SH3BP4: variants seen among roughly 807,000 people sequenced by gnomAD.
The protein encoded by SH3BP4 is SH3 domain-binding protein 4.
In SH3BP4, 33 loss-of-function variants were observed where a neutral mutation model predicts 65.5. That is an observed-to-expected ratio of 0.50 (90% CI 0.38 to 0.67). The LOEUF (loss-of-function observed/expected upper bound fraction) is 0.67, where lower values mean the gene tolerates loss of function less well. Among genes scored for constraint, SH3BP4 ranks in the 30% least tolerant of loss-of-function variants. The pLI is 0.00. For missense variants in SH3BP4, 1,134 were observed against 1,261.4 expected (o/e 0.90, Z 1.53); for synonymous variants, 552 against 545.5 (o/e 1.01, Z -0.17).
intron 2 of SH3BP4, among the ~76,000 whole-genome samples, chr2:235,011,610 C>T (rs1182485223): frequency 2.0e-5 from 3 of 152,196 alleles, no homozygotes; most frequent in Non-Finnish European, 4.4e-5. Flanking sequence ...TTGTCATTTC[C>T]GTAAACCTGC....
In SH3BP4 at chr2:235,054,045, G is replaced by T; in HGVS notation, c.*229G>T. 2.1e-6 allele frequency: 1 copy of T among 475,910 alleles called. No homozygotes were observed. The highest frequency in any genetic ancestry group is 3.7e-6 in the Non-Finnish European group (1 of 268,636). The allele number at this position is 475,910 out of a possible 1,614,324, so 29.5% of individuals were successfully genotyped here. On this transcript the variant is annotated 3_prime_UTR_variant, in exon 6 of 6. Coordinates refer to ENST00000392011, the MANE Select transcript of SH3BP4 (RefSeq NM_014521.3). ...AATCACATAGCTTTCTATTTGTTAA[G>T]TATAAATTTAAATTTAAAATCACTT...
chr2:234,961,214 A>G (rs570328128), intron 1 of SH3BP4, among the ~76,000 whole-genome samples: 1 of 152,334 alleles, frequency 6.6e-6, no homozygotes, highest in Admixed American at 6.5e-5. Flanking sequence ...ATCACACTCA[A>G]TGCCACTGTA....
chr2:235,053,567 T>C (rs1388678473), intron 5 of SH3BP4, 25 bp from the exon 6 acceptor site: 1 of 1,579,874 alleles, frequency 6.3e-7, no homozygotes, highest in East Asian at 2.2e-5. Context: ...TCCCTCCTTT[T>C]GTTTTTTACA....
In SH3BP4 at chr2:235,033,295, C is replaced by T. The variant is rs868131197; in HGVS notation, c.-132-1576C>T. Among the ~76,000 whole-genome samples the T allele has an allele frequency of 1.3e-5, 2 of 152,192 alleles. No homozygotes were observed. The highest frequency in any genetic ancestry group is 2.1e-4 in the South Asian group (1 of 4,830). On this transcript the variant is annotated intron_variant, in intron 2 of 5. Coordinates refer to ENST00000392011, the MANE Select transcript of SH3BP4 (RefSeq NM_014521.3). This position sits in a 1 kb window ranked among gnomAD's most constrained non-coding sequence, Gnocchi z 5.7. ...CTCTTCCTGGCTTCATGTGTCCTCA[C>T]GTGGTAGAGGGAGAGAGAACGGAAG...
intron 2 of SH3BP4, among the ~76,000 whole-genome samples, chr2:235,021,662 GA>G (rs950196205): frequency 2.7e-5 from 4 of 149,598 alleles, no homozygotes; most frequent in African/African-American, 7.4e-5. Flanking sequence ...TTATTTGGAA[GA>G]AAAAAAAGGT....
rs1268883409 is a variant in SH3BP4 at position 235,041,354 on chromosome 2, T to C, written c.585T>C (p.Phe195=). Residue 195 remains phenylalanine, a synonymous_variant, in exon 4 of 6, where the codon TTT becomes TTC. Transcript: ENST00000392011. This position sits in a 1 kb window ranked among gnomAD's most constrained non-coding sequence, Gnocchi z 6.0. ...NPKSTVDLLL[F]DAGTSSFTES... Reference sequence around the variant, plus strand: ...AAAGTACTGTGGATTTGCTCCTTTTTGACGCAGGTACATCCTCCTTCACCG... The same window carrying C: ...AAAGTACTGTGGATTTGCTCCTTTTCGACGCAGGTACATCCTCCTTCACCG... 6.2e-7 allele frequency: 1 copy of C among 1,614,202 alleles called. No individual in the cohort carries two copies. The highest frequency in any genetic ancestry group is 1.3e-5 in the African/African-American group (1 of 75,064).
In SH3BP4 at chr2:235,042,629, C is replaced by T. The variant is rs146682101; in HGVS notation, c.1860C>T (p.Ser620=). 69 of 1,613,972 alleles carry T rather than the reference C, an allele frequency of 4.3e-5. 1 individual carries two copies. The highest frequency in any genetic ancestry group is 5.5e-5 in the South Asian group (5 of 91,076). Residue 620 remains serine, a synonymous_variant, in exon 4 of 6, where the codon TCC becomes TCT. Transcript: ENST00000392011. This position sits in a 1 kb window ranked among gnomAD's most constrained non-coding sequence, Gnocchi z 7.3. ...CCCCTAAAAGTGCCATCAAGCCTTCCGGGCAAAGGAGGTTTCTCAAGAAGA... is the reference window on the plus strand; with the variant it reads ...CCCCTAAAAGTGCCATCAAGCCTTCTGGGCAAAGGAGGTTTCTCAAGAAGA... ...QPPPKSAIKP[S]GQRRFLKKNE...
intron 2 of SH3BP4, among the ~76,000 whole-genome samples, chr2:235,014,437 G>A (rs1267784585): frequency 6.6e-6 from 1 of 152,178 alleles, no homozygotes; most frequent in African/African-American, 2.4e-5. Flanking sequence ...CTGAGAATAG[G>A]GGTGTGTCCC....
intron 2 of SH3BP4, among the ~76,000 whole-genome samples, chr2:235,009,936 A>G (rs970172150): frequency 6.6e-6 from 1 of 151,926 alleles, no homozygotes; most frequent in Non-Finnish European, 1.5e-5. Flanking sequence ...AAAGTGTGTT[A>G]GTCTCTCCTC....
At chr2:234,959,561 G>A (rs990518914) in intron 1 of SH3BP4, among the ~76,000 whole-genome samples, 39 of 151,994 alleles carry the variant, frequency 2.6e-4, no homozygotes, top group African/African-American at 8.9e-4. Flanking sequence ...GGCCATCCCC[G>A]TAGTTCTGTG....
chr2:235,055,188 C>T lies in SH3BP4; in HGVS notation c.*1372C>T, dbSNP rs868414588. 1.3e-5 allele frequency: 2 copies of T among 152,192 alleles called. No individual in the cohort carries two copies. Among genetic ancestry groups the T allele is most frequent in the South Asian group, 2.1e-4 (1 of 4,828 alleles). 9.4% of individuals were successfully genotyped at this position (152,192 alleles called of 1,614,324 possible). On this transcript the variant is annotated 3_prime_UTR_variant, in exon 6 of 6. Coordinates refer to ENST00000392011, the MANE Select transcript of SH3BP4 (RefSeq NM_014521.3). ...AGTAGAGTGAGGTGATCCTTAGCAA[C>T]GTGCCAGGACACTTCCTGTGTGCCT... is the stretch of plus-strand genomic sequence containing the variant.
rs1311716114 is a variant in SH3BP4, at chr2:235,052,619, C to T, written c.2536C>T (p.Leu846Phe). The T allele has an allele frequency of 1.9e-6, 3 of 1,563,578 alleles. No homozygotes were observed. The highest frequency in any genetic ancestry group is 1.7e-6 in the Non-Finnish European group (2 of 1,154,410). Residue 846 changes from leucine (L) to phenylalanine (F), a missense_variant, in exon 5 of 6, where the codon CTC (leucine) becomes TTC (phenylalanine). Coordinates refer to ENST00000392011, the MANE Select transcript of SH3BP4 (RefSeq NM_014521.3). This position sits in a 1 kb window ranked among gnomAD's most constrained non-coding sequence, Gnocchi z 5.0. ...GGTCAGACTCATCCAGGACTTTGTG[C>T]TCCTGACCACGGCTGTAGAGGTGGC... ...LVVRLIQDFV[L>F]LTTAVEVAQR...
intron 2 of SH3BP4, among the ~76,000 whole-genome samples, chr2:235,032,679 C>G (rs1419579947): frequency 5.9e-5 from 9 of 152,150 alleles, no homozygotes; most frequent in African/African-American, 1.9e-4. Context: ...GCATTCAGAG[C>G]TACTTGGTCA....
At chr2:235,036,521 C>T (rs61068163) in intron 3 of SH3BP4, among the ~76,000 whole-genome samples, 4,870 of 151,856 alleles carry the variant, frequency 0.032, 250 homozygotes, top group African/African-American at 0.11. Context: ...TTTAGGAGGC[C>T]GAGGCAGGCG....
intron 1 of SH3BP4, among the ~76,000 whole-genome samples, chr2:234,987,840 T>G (rs1217921110): frequency 3.3e-5 from 5 of 151,964 alleles, no homozygotes; most frequent in South Asian, 4.2e-4. Context: ...AAAAGCCGAG[T>G]GTGCATGGGT....
intron 3 of SH3BP4, among the ~76,000 whole-genome samples, chr2:235,037,946 CT>C (rs1388908245): frequency 1.4e-4 from 21 of 151,950 alleles, no homozygotes; most frequent in Non-Finnish European, 2.2e-4. Flanking sequence ...AATTCAGACA[CT>C]GCTTTCACCA....
chr2:234,990,920 A>G (rs1295169109), intron 1 of SH3BP4, among the ~76,000 whole-genome samples: 1 of 152,060 alleles, frequency 6.6e-6, no homozygotes, highest in Admixed American at 6.5e-5. Flanking sequence ...CTCACCCCCC[A>G]TCTTAGTCAT....
intron 2 of SH3BP4, among the ~76,000 whole-genome samples, chr2:235,004,955 A>G (rs770654899): frequency 8.5e-5 from 13 of 152,144 alleles, no homozygotes; most frequent in Non-Finnish European, 1.6e-4. Flanking sequence ...CCAGGATTTT[A>G]TGAATCTCCC....
intron 2 of SH3BP4, among the ~76,000 whole-genome samples, chr2:235,007,293 C>G (rs1694325559): frequency 6.6e-6 from 1 of 152,116 alleles, no homozygotes; most frequent in South Asian, 2.1e-4. Context: ...CCTGCTTCCT[C>G]CAGGTTGCAG....
Sources: allele counts gnomAD v4.1 joint callset (sites outside exome capture counted in the v4.1 genomes callset), GRCh38; gene constraint gnomAD v4.1.1; non-coding constraint Gnocchi (gnomAD v3.1); transcripts MANE v1.5; gene names NCBI Gene and HGNC (gene_info 2026-07-23, HGNC 2026-07-21).